RBM47: variants seen among roughly 807,000 people sequenced by gnomAD.
RBM47 encodes the protein RNA binding motif protein 47, also known as RNA-binding protein 47.
RBM47 carries 21 observed loss-of-function variants against 47.1 expected under a neutral mutation model. That is an observed-to-expected ratio of 0.45 (90% confidence interval 0.32 to 0.64). The LOEUF (loss-of-function observed/expected upper bound fraction) is 0.64, where lower values mean the gene tolerates loss of function less well. Among genes scored for constraint, RBM47 ranks in the 30% least tolerant of loss-of-function variants. The probability of loss-of-function intolerance (pLI) is 0.05; values close to 1 mark genes in which losing one functional copy is unlikely to be tolerated. For synonymous variants in RBM47, 375 were observed against 361.7 expected (o/e 1.04, Z -0.42); for missense variants, 708 against 870.9 (o/e 0.81, Z 2.35).
intron 2 of RBM47, among the ~76,000 whole-genome samples, chr4:40,485,300 A>G (rs1213877333): frequency 6.6e-6 from 1 of 152,240 alleles, no homozygotes; most frequent in African/African-American, 2.4e-5. Context: ...TATGAAATAA[A>G]GACTTAAAGC....
intron 3 of RBM47, among the ~76,000 whole-genome samples, chr4:40,439,877 G>A (rs1713356003): frequency 6.6e-6 from 1 of 152,072 alleles, no homozygotes; most frequent in South Asian, 2.1e-4. Context: ...ACCAATGCTG[G>A]GCAATCGAAT....
intron 2 of RBM47, among the ~76,000 whole-genome samples, chr4:40,502,808 T>C (rs959912242): frequency 6.6e-6 from 1 of 152,062 alleles, no homozygotes; most frequent in African/African-American, 2.4e-5. Context: ...ATCATATTGC[T>C]GTACTCCAGC....
At chr4:40,616,545 T>C (rs1388131010) in intron 1 of RBM47, among the ~76,000 whole-genome samples, 1 of 152,032 alleles carries the variant, frequency 6.6e-6, no homozygotes, top group Non-Finnish European at 1.5e-5. Flanking sequence ...AAAAGCCCTG[T>C]GTGTTGCTCA....
At chr4:40,482,045 T>C (rs914125886) in intron 2 of RBM47, among the ~76,000 whole-genome samples, 1 of 152,186 alleles carries the variant, frequency 6.6e-6, no homozygotes, top group African/African-American at 2.4e-5. Context: ...TGATGTGATT[T>C]CTATTAACTG....
chr4:40,426,214 C>A, intron 6 of RBM47, 71 bp from the exon 7 acceptor site: 1 of 1,539,494 alleles, frequency 6.5e-7, no homozygotes, highest in Non-Finnish European at 8.8e-7. Context: ...ATTCAACAAG[C>A]CTCTCCCAGA....
chr4:40,527,125 A>AT lies in RBM47; in HGVS notation c.-155+17296dup, dbSNP rs529294515. Among the ~76,000 whole-genome samples the AT allele has an allele frequency of 3.3e-5, 5 of 151,808 alleles. No individual in the cohort carries two copies. In the East Asian group the frequency reaches 5.8e-4, roughly 18 times the overall value. On this transcript the variant is annotated intron_variant, in intron 2 of 6. Transcript: ENST00000295971. Reference sequence around the variant, plus strand: ...GTTGGTTTTGTGTTTGTTTTATTTTATTTTTTTGAGACAGTCTCACTCTCT... The same window carrying AT: ...GTTGGTTTTGTGTTTGTTTTATTTTATTTTTTTTGAGACAGTCTCACTCTCT...
intron 1 of RBM47, among the ~76,000 whole-genome samples, chr4:40,588,038 C>T (rs1733761661): frequency 6.6e-6 from 1 of 152,160 alleles, no homozygotes; most frequent in Admixed American, 6.6e-5. Context: ...CTGGCCAGTT[C>T]ATGGGGCCCT....
At chr4:40,489,954 T>TGC (rs1212751210) in intron 2 of RBM47, among the ~76,000 whole-genome samples, 1 of 152,206 alleles carries the variant, frequency 6.6e-6, no homozygotes, top group Non-Finnish European at 1.5e-5. Context: ...AAGTCTGATT[T>TGC]AACCCAGAAA....
chr4:40,580,012 C>T (rs1732730789), intron 1 of RBM47, among the ~76,000 whole-genome samples: 3 of 152,134 alleles, frequency 2.0e-5, no homozygotes, highest in Admixed American at 2.0e-4. Context: ...CCTGCCTTGA[C>T]CTCCCAAAGT....
At chr4:40,531,497 C>T (rs1403540031) in intron 2 of RBM47, among the ~76,000 whole-genome samples, 2 of 151,876 alleles carry the variant, frequency 1.3e-5, no homozygotes, top group Non-Finnish European at 2.9e-5. Flanking sequence ...TGGGTTATGA[C>T]TTTGAAATTC....
intron 2 of RBM47, among the ~76,000 whole-genome samples, chr4:40,474,448 C>T (rs1719333444): frequency 6.6e-6 from 1 of 152,008 alleles, no homozygotes; most frequent in South Asian, 2.1e-4. Flanking sequence ...GCATTTGGAA[C>T]AAATCTAATA....
At chr4:40,571,967 G>C (rs1731763104) in intron 1 of RBM47, among the ~76,000 whole-genome samples, 1 of 149,560 alleles carries the variant, frequency 6.7e-6, no homozygotes, top group Admixed American at 6.6e-5. Context: ...AGGTTGCACT[G>C]AGCCGAGATT....
chr4:40,579,864 C>T (rs1411436784), intron 1 of RBM47, among the ~76,000 whole-genome samples: 1 of 152,014 alleles, frequency 6.6e-6, no homozygotes, highest in Non-Finnish European at 1.5e-5. Flanking sequence ...CCTCCTACCT[C>T]AGTCTCCCAT....
chr4:40,599,673 G>A (rs1735065142), intron 1 of RBM47, among the ~76,000 whole-genome samples: 1 of 151,202 alleles, frequency 6.6e-6, no homozygotes, highest in Non-Finnish European at 1.5e-5. Flanking sequence ...CTGCCAAGGT[G>A]TCAGGCATGT....
At chr4:40,559,245 A>G (rs765925599) in intron 1 of RBM47, among the ~76,000 whole-genome samples, 2 of 152,232 alleles carry the variant, frequency 1.3e-5, no homozygotes, top group Non-Finnish European at 2.9e-5. Flanking sequence ...ATTTCTGGCA[A>G]ATAGAAGGAG....
At chr4:40,548,492 G>T (rs1190159344) in intron 1 of RBM47, among the ~76,000 whole-genome samples, 1 of 152,198 alleles carries the variant, frequency 6.6e-6, no homozygotes, top group Non-Finnish European at 1.5e-5. Flanking sequence ...GCAGAGGAGG[G>T]CTAAAGGCAG....
intron 2 of RBM47, among the ~76,000 whole-genome samples, chr4:40,501,567 A>C (rs575177178): frequency 6.6e-6 from 1 of 152,238 alleles, no homozygotes; most frequent in Non-Finnish European, 1.5e-5. Context: ...TAGTGCAAAC[A>C]AGGAATTATT....
In RBM47 at chr4:40,534,022, T is replaced by C. The variant is rs147347244; in HGVS notation, c.-155+10400A>G. 6.1e-3 allele frequency among the ~76,000 whole-genome samples: 932 copies of C among 151,938 alleles called. 8 individuals are homozygous for C. The highest frequency in any genetic ancestry group is 0.021 in the African/African-American group (889 of 41,404). On this transcript the variant is annotated intron_variant, in intron 2 of 6. Coordinates refer to ENST00000295971, the MANE Select transcript of RBM47 (RefSeq NM_001098634.2). ...TAGAGATGTGGTTTCCCCGTGTTGG[T>C]CAGGCTGGTCTCAAACTCCCAACCT...
At chr4:40,514,935 A>G (rs991756777) in intron 2 of RBM47, among the ~76,000 whole-genome samples, 1 of 127,608 alleles carries the variant, frequency 7.8e-6, no homozygotes, top group Non-Finnish European at 1.6e-5. Context: ...AAAACTGTCA[A>G]AGGCAAGAGT....
Sources: gnomAD v4.1 joint callset for allele counts (sites outside exome capture counted in the v4.1 genomes callset) on GRCh38, gnomAD v4.1.1 for gene constraint, MANE v1.5 for transcripts, NCBI Gene and HGNC (gene_info 2026-07-23, HGNC 2026-07-21) for gene names.